NTRK3: variants seen among roughly 807,000 people sequenced by gnomAD.
NTRK3 encodes the protein neurotrophic receptor tyrosine kinase 3.
Under a neutral mutation model 91.7 loss-of-function variants are expected in NTRK3, and 24 were observed. That is an observed-to-expected ratio of 0.26 (90% CI 0.19 to 0.37). The LOEUF (loss-of-function observed/expected upper bound fraction) is 0.37. NTRK3 is among the 10% of genes least tolerant of loss of function. The pLI is 1.00. For missense variants in NTRK3, 880 were observed against 1,068.9 expected (o/e 0.82, Z 2.46); for synonymous variants, 483 against 404.0 (o/e 1.20, Z -2.34).
chr15:88,027,816 C>T (rs988093544), intron 14 of NTRK3, among the ~76,000 whole-genome samples: 1 of 152,152 alleles, frequency 6.6e-6, no homozygotes, highest in Non-Finnish European at 1.5e-5. Flanking sequence ...AACTCAAAGT[C>T]GGGTTTGGGA....
intron 3 of NTRK3, among the ~76,000 whole-genome samples, chr15:88,186,056 C>T (rs915577069): frequency 6.6e-6 from 1 of 152,102 alleles, no homozygotes; most frequent in South Asian, 2.1e-4. Context: ...AACCTGGCAA[C>T]ATTTCAGATG....
chr15:88,185,889 T>G (rs1191801689), intron 3 of NTRK3, among the ~76,000 whole-genome samples: 1 of 152,198 alleles, frequency 6.6e-6, no homozygotes. Context: ...TTGTACCACA[T>G]TCTCCCAAAG....
intron 3 of NTRK3, among the ~76,000 whole-genome samples, chr15:88,249,564 C>T (rs1409864031): frequency 1.3e-5 from 2 of 152,142 alleles, no homozygotes; most frequent in South Asian, 2.1e-4. Flanking sequence ...TCATGGGTGA[C>T]ATGAGGGAGA....
In NTRK3 at chr15:88,041,632, G is replaced by T. The variant is rs372487887; in HGVS notation, c.1397-8587C>A. On this transcript the variant is annotated intron_variant, in intron 13 of 18. Transcript: ENST00000394480. Reference sequence around the variant, plus strand: ...GTCCCTCAGTGAGGCCAACTTAGACGCAAGGGCTCCCGCCAACACCTGGCG... The same window carrying T: ...GTCCCTCAGTGAGGCCAACTTAGACTCAAGGGCTCCCGCCAACACCTGGCG... Among the ~76,000 whole-genome samples the T allele has an allele frequency of 4.6e-5, 7 of 152,120 alleles. No individual in the cohort carries two copies. In the East Asian group the frequency reaches 1.2e-3, roughly 25 times the overall value.
At chr15:88,250,760 C>CA (rs1186756353) in intron 3 of NTRK3, among the ~76,000 whole-genome samples, 1 of 152,216 alleles carries the variant, frequency 6.6e-6, no homozygotes, top group Non-Finnish European at 1.5e-5. Flanking sequence ...CAGTGGGTAC[C>CA]AAGCTGTATT....
chr15:88,207,242 G>C (rs991736429), intron 3 of NTRK3, among the ~76,000 whole-genome samples: 1 of 152,124 alleles, frequency 6.6e-6, no homozygotes, highest in African/African-American at 2.4e-5. Flanking sequence ...GAGTCCCCAG[G>C]CACCTGCCTC....
chr15:88,089,324 C>A (rs1323955530), intron 13 of NTRK3, among the ~76,000 whole-genome samples: 1 of 152,154 alleles, frequency 6.6e-6, no homozygotes, highest in Non-Finnish European at 1.5e-5. Context: ...TCTTATTTAA[C>A]CCAACCATTC....
chr15:88,122,341 G>C (rs1443199039), intron 13 of NTRK3, among the ~76,000 whole-genome samples: 1 of 152,156 alleles, frequency 6.6e-6, no homozygotes, highest in African/African-American at 2.4e-5. Context: ...TCTGGGAGGT[G>C]TGAGTTTATC....
At chr15:88,028,615 G>T (rs2141973522) in intron 14 of NTRK3, among the ~76,000 whole-genome samples, 1 of 152,218 alleles carries the variant, frequency 6.6e-6, no homozygotes, top group Middle Eastern at 3.4e-3. Flanking sequence ...CATCTTTGCA[G>T]ACCCAGACTG....
In NTRK3 at chr15:87,905,433, C is replaced by T. The variant is rs78577052; in HGVS notation, c.2133+23758G>A. 5.4e-3 allele frequency among the ~76,000 whole-genome samples: 825 copies of T among 152,126 alleles called. 13 individuals carry two copies. Among genetic ancestry groups the T allele is most frequent in the East Asian group, 0.024 (122 of 5,180 alleles). ...CTTATCAGGAGGTTACCATATTATGCGTAAAACAACAGGTTACCTATTTGT... is the reference window on the plus strand; with the variant it reads ...CTTATCAGGAGGTTACCATATTATGTGTAAAACAACAGGTTACCTATTTGT... On this transcript the variant is annotated intron_variant, in intron 17 of 18. Transcript: ENST00000394480.
chr15:88,141,732 T>C (rs554897044), intron 6 of NTRK3, among the ~76,000 whole-genome samples: 2 of 152,350 alleles, frequency 1.3e-5, no homozygotes, highest in South Asian at 2.1e-4. Context: ...CAGCATCTCA[T>C]GGCCCCCCAA....
chr15:88,016,453 A>G (rs1005936675), intron 14 of NTRK3, among the ~76,000 whole-genome samples: 2 of 152,226 alleles, frequency 1.3e-5, no homozygotes, highest in African/African-American at 4.8e-5. Context: ...TTTCTCCTGG[A>G]CCGTAAGAGT....
chr15:87,945,441 G>A (rs1567137300), intron 14 of NTRK3, among the ~76,000 whole-genome samples: 2 of 152,320 alleles, frequency 1.3e-5, no homozygotes, highest in South Asian at 2.1e-4. Context: ...TCACTTCTGG[G>A]AGGTCTTCCA....
chr15:88,060,896 CA>C (rs1411459612), intron 13 of NTRK3, among the ~76,000 whole-genome samples: 1 of 152,098 alleles, frequency 6.6e-6, no homozygotes, highest in Admixed American at 6.6e-5. Context: ...CCCCAAATTT[CA>C]AAGTGGGTTA....
chr15:88,068,978 A>G (rs1402124669), intron 13 of NTRK3, among the ~76,000 whole-genome samples: 1 of 152,212 alleles, frequency 6.6e-6, no homozygotes, highest in East Asian at 1.9e-4. Context: ...TCTGGATTGA[A>G]GAGAAATTCC....
Position 87,886,474 on chromosome 15 carries a change from T to C in NTRK3, c.2134-6046A>G, listed in dbSNP as rs551924945. The stretch of plus-strand genomic sequence containing the variant: ...CTGATATGTAAATATATCTAAGATA[T>C]ATTAAGTGACAACACAAGGCATTGA... On this transcript the variant is annotated intron_variant, in intron 17 of 18. Coordinates refer to ENST00000394480, the Ensembl canonical transcript of NTRK3. Among the ~76,000 whole-genome samples, 3 of 150,912 alleles carry C rather than the reference T, an allele frequency of 2.0e-5. No homozygotes were observed. The East Asian group carries it at 5.8e-4, about 29-fold the overall frequency.
At chr15:88,014,858 T>C (rs2077120055) in intron 14 of NTRK3, among the ~76,000 whole-genome samples, 1 of 152,266 alleles carries the variant, frequency 6.6e-6, no homozygotes, top group Non-Finnish European at 1.5e-5. Context: ...TTGGTCGATC[T>C]ATGTTTAGAA....
At chr15:88,086,472 C>CTAAAA (rs1332324016) in intron 13 of NTRK3, among the ~76,000 whole-genome samples, 5 of 151,942 alleles carry the variant, frequency 3.3e-5, no homozygotes, top group Non-Finnish European at 5.9e-5. Context: ...ATATATTGGG[C>CTAAAA]TAAAATACAT....
In NTRK3 at chr15:88,170,543, G is replaced by A. The variant is rs539604350; in HGVS notation, c.395+12875C>T. Reference sequence around the variant, plus strand: ...CAATAACCCTGTAGGGGGATGTACAGGCAACAGTTTTGTACCCATTTTATA... The same window carrying A: ...CAATAACCCTGTAGGGGGATGTACAAGCAACAGTTTTGTACCCATTTTATA... On this transcript the variant is annotated intron_variant, in intron 5 of 18. Transcript: ENST00000394480. Among the ~76,000 whole-genome samples, 3 of 152,292 alleles carry A rather than the reference G, an allele frequency of 2.0e-5. No individual in the cohort carries two copies. The South Asian group carries it at 6.2e-4, about 32-fold the overall frequency.
Sources: gnomAD v4.1 joint callset for allele counts (sites outside exome capture counted in the v4.1 genomes callset) on GRCh38, gnomAD v4.1.1 for gene constraint, MANE v1.5 for transcripts, NCBI Gene and HGNC (gene_info 2026-07-23, HGNC 2026-07-21) for gene names.